CROCC2: variants seen among roughly 807,000 people sequenced by gnomAD.
CROCC2 encodes the protein ciliary rootlet coiled-coil, rootletin family member 2.
CROCC2 carries 163 observed loss-of-function variants against 177.6 expected under a neutral mutation model. The observed-to-expected ratio is 0.92, with a 90% CI of 0.81 to 1.05. The LOEUF (loss-of-function observed/expected upper bound fraction) is 1.05, where lower values mean the gene tolerates loss of function less well. Among genes scored for constraint, CROCC2 ranks in the 50% least tolerant of loss-of-function variants. CROCC2 has a pLI of 0.00. For missense variants in CROCC2, 1,929 were observed against 1,797.8 expected (o/e 1.07, Z -1.32); for synonymous variants, 904 against 787.3 (o/e 1.15, Z -2.48).
intron 4 of CROCC2, among the ~76,000 whole-genome samples, chr2:240,923,005 G>A (rs186676938): frequency 3.3e-5 from 5 of 152,190 alleles, no homozygotes; most frequent in East Asian, 3.9e-4. Context: ...CTCTGAGAGC[G>A]GCTCAGCAGC....
In CROCC2 at chr2:240,950,495, G is replaced by A; in HGVS notation, c.2814G>A (p.Glu938=). The part of the protein sequence containing the change: ...QERDESLLQL[E]HKMQQALSLK... ...GGGACGAGAGCCTTCTCCAACTGGA[G>A]CACAAGATGCAACAGGTGATGGTGA... Residue 938 remains glutamate (E), a synonymous_variant, in exon 18 of 32, where the codon GAG becomes GAA. Transcript: ENST00000690015. 1 of 1,549,682 alleles carries A rather than the reference G, an allele frequency of 6.5e-7. No homozygotes were observed. Among genetic ancestry groups the A allele is most frequent in the South Asian group, 1.2e-5 (1 of 84,004 alleles).
chr2:240,935,289 G>A (rs2059461138), intron 13 of CROCC2, 69 bp from the exon 14 acceptor site: 1 of 1,298,704 alleles, frequency 7.7e-7, no homozygotes, highest in Non-Finnish European at 9.9e-7. Flanking sequence ...GGCAGGCCTT[G>A]GGGATGGCTG....
intron 4 of CROCC2, among the ~76,000 whole-genome samples, chr2:240,923,488 GCCCCCACAC>G (rs2059371401): frequency 9.9e-5 from 2 of 20,214 alleles, no homozygotes; most frequent in East Asian, 2.5e-3. Context: ...CACTAACCCA[GCCCCCACAC>G]TAACCCAGCC....
Position 240,989,740 on chromosome 2 carries a change from A to T in CROCC2, c.4770A>T (p.Ala1590=), listed in dbSNP as rs1323323320. ...ACCAGCGGGACCTGGCCACAGAGGCAGAGCGTCTCCATGGGGCCCGGCCGC... is the reference window on the plus strand; with the variant it reads ...ACCAGCGGGACCTGGCCACAGAGGCTGAGCGTCTCCATGGGGCCCGGCCGC... The part of the protein sequence containing the change: ...AQHQRDLATE[A]ERLHGARPQA... The change falls in exon 30 of 32, where the codon GCA becomes GCT. Residue 1590 remains alanine (A), a synonymous_variant. Transcript: ENST00000690015. 6.4e-7 allele frequency: 1 copy of T among 1,550,408 alleles called. No individual in the cohort carries two copies. Among genetic ancestry groups the T allele is most frequent in the East Asian group, 2.4e-5 (1 of 40,916 alleles).
In CROCC2 at chr2:240,965,760, G is replaced by C. The variant is rs1480822420; in HGVS notation, c.3728G>C (p.Ser1243Thr). Residue 1243 changes from serine (S) to threonine (T), a missense_variant, in exon 24 of 32, where the codon AGT becomes ACT. Transcript: ENST00000690015. ...CAGACCCTCCGAGCAGAGCTGCACAGTGTCACCAGGAAGCTGCAGGAAGCC... is the reference window on the plus strand; with the variant it reads ...CAGACCCTCCGAGCAGAGCTGCACACTGTCACCAGGAAGCTGCAGGAAGCC... ...AEQTLRAELHSVTRKLQEASG... is the reference protein window; with the variant it reads ...AEQTLRAELHTVTRKLQEASG... 6.6e-7 allele frequency: 1 copy of C among 1,510,974 alleles called. No homozygotes were observed. The highest frequency in any genetic ancestry group is 2.2e-5 in the Admixed American group (1 of 44,572). 93.6% of individuals were successfully genotyped at this position (1,510,974 alleles called of 1,614,324 possible). A position where few individuals can be genotyped will look rare whatever the true frequency, so the allele number is the denominator to read the frequency against.
At chr2:240,931,190 C>T (rs777444544) in intron 7 of CROCC2, 62 bp downstream of exon 7, 9 of 652,288 alleles carry the variant, frequency 1.4e-5, no homozygotes, top group East Asian at 2.7e-5. Flanking sequence ...GCCCATCCAG[C>T]GTGCCGAGCA....
At chr2:240,962,978 T>C (rs2059653342) in intron 20 of CROCC2, among the ~76,000 whole-genome samples, 1 of 152,120 alleles carries the variant, frequency 6.6e-6, no homozygotes, top group African/African-American at 2.4e-5. Flanking sequence ...GAGATCCTCC[T>C]CCCACTGCCT....
intron 20 of CROCC2, 185 bp from the exon 21 acceptor site, chr2:240,963,371 G>A (rs1010143778): frequency 3.2e-6 from 2 of 616,234 alleles, no homozygotes; most frequent in African/African-American, 1.8e-5. Flanking sequence ...TCAGCCCGTG[G>A]AAGCCGCCCT....
At chr2:240,985,701 CA>C (rs1559192825) in intron 28 of CROCC2, among the ~76,000 whole-genome samples, 14 of 105,740 alleles carry the variant, frequency 1.3e-4, no homozygotes, top group East Asian at 6.9e-4. Flanking sequence ...CCCAGGCACT[CA>C]CTCCACACAC....
chr2:240,951,326 C>T lies in CROCC2; in HGVS notation c.2829+816C>T, dbSNP rs558371637. ...ATCCATCCATCCATCCACCCATCCA[C>T]CTGTTCATCCTTCCATCCTCCCATC... On this transcript the variant is annotated intron_variant, in intron 18 of 31. Coordinates refer to ENST00000690015, the MANE Select transcript of CROCC2 (RefSeq NM_001351305.2). Among the ~76,000 whole-genome samples, 462 of 151,462 alleles carry T rather than the reference C, an allele frequency of 3.1e-3. 3 individuals carry two copies. Among genetic ancestry groups the T allele is most frequent in the African/African-American group, 0.01 (433 of 41,240 alleles).
chr2:240,951,233 A>T (rs1375961992), intron 18 of CROCC2, among the ~76,000 whole-genome samples: 1 of 150,998 alleles, frequency 6.6e-6, no homozygotes, highest in Non-Finnish European at 1.5e-5. Flanking sequence ...CCATTCACCC[A>T]TCCATCCATC....
In CROCC2 at chr2:240,920,795, A is replaced by G. The variant is rs550886782; in HGVS notation, c.381+661A>G. ...GGCCTCCCATTGTGTAGACAGGGAA[A>G]CCGAGGCAGAAAGGTGAAGAAACCT... On this transcript the variant is annotated intron_variant, in intron 3 of 31. Coordinates refer to ENST00000690015, the MANE Select transcript of CROCC2 (RefSeq NM_001351305.2). 5.3e-5 allele frequency among the ~76,000 whole-genome samples: 8 copies of G among 152,230 alleles called. No individual in the cohort carries two copies. In the South Asian group the frequency reaches 1.7e-3, roughly 32 times the overall value.
intron 27 of CROCC2, among the ~76,000 whole-genome samples, chr2:240,968,762 G>T (rs2059702258): frequency 6.6e-6 from 1 of 152,238 alleles, no homozygotes; most frequent in South Asian, 2.1e-4. Context: ...GTCCCTACAT[G>T]CCAGGCTTTG....
intron 1 of CROCC2, 105 bp downstream of exon 1, chr2:240,906,696 G>T (rs2059256128): frequency 7.5e-6 from 3 of 398,244 alleles, no homozygotes; most frequent in Non-Finnish European, 1.3e-5. Context: ...CACCTTCCTG[G>T]CTCCCGGGGC....
At chr2:240,990,793 A>C (rs1174046901) in intron 30 of CROCC2, among the ~76,000 whole-genome samples, 1 of 152,198 alleles carries the variant, frequency 6.6e-6, no homozygotes, top group Non-Finnish European at 1.5e-5. Flanking sequence ...CATGTTGGCC[A>C]GCCTGGTCTC....
At chr2:240,983,453 G>T in intron 28 of CROCC2, 1 of 1,256,376 alleles carries the variant, frequency 8.0e-7, no homozygotes, top group Non-Finnish European at 1.0e-6. Flanking sequence ...GAGGCTCAGC[G>T]GCGGGCAGGA....
chr2:240,932,829 A>T lies in CROCC2; in HGVS notation c.1172A>T (p.His391Leu), dbSNP rs763326449. 8 of 1,543,554 alleles carry T rather than the reference A, an allele frequency of 5.2e-6. No individual in the cohort carries two copies. Among genetic ancestry groups the T allele is most frequent in the Middle Eastern group, 1.7e-4 (1 of 5,816 alleles). Reference sequence around the variant, plus strand: ...CCCCATCAAGGGGCGTCCCCACCACACATCTGCTCCCCAGCCACCCTGGAC... The same window carrying T: ...CCCCATCAAGGGGCGTCCCCACCACTCATCTGCTCCCCAGCCACCCTGGAC... ...TSPHQGASPP[H>L]ICSPATLDPA... The change falls in exon 9 of 32, where the codon CAC becomes CTC. Residue 391 changes from histidine (H) to leucine (L), a missense_variant. Coordinates refer to ENST00000690015, the MANE Select transcript of CROCC2 (RefSeq NM_001351305.2).
intron 27 of CROCC2, 110 bp downstream of exon 27, chr2:240,968,372 C>T: frequency 7.5e-7 from 1 of 1,327,832 alleles, no homozygotes; most frequent in Non-Finnish European, 9.9e-7. Context: ...AGAGAGGGGT[C>T]TGCAAGGGCT....
At chr2:240,987,103 G>T (rs1387776548) in intron 28 of CROCC2, among the ~76,000 whole-genome samples, 1 of 152,236 alleles carries the variant, frequency 6.6e-6, no homozygotes, top group Non-Finnish European at 1.5e-5. Context: ...TACTGAAGGG[G>T]GCCCAGCGCC....
Sources: gnomAD v4.1 joint callset for allele counts (sites outside exome capture counted in the v4.1 genomes callset) on GRCh38, gnomAD v4.1.1 for gene constraint, MANE v1.5 for transcripts, NCBI Gene and HGNC (gene_info 2026-07-23, HGNC 2026-07-21) for gene names.